Variants in TNRC6B observed in about 807,000 individuals in gnomAD.
TNRC6B encodes the protein trinucleotide repeat containing adaptor 6B.
A neutral mutation model predicts 203.6 loss-of-function variants in TNRC6B; 52 were observed. The ratio of observed to expected loss-of-function variants is 0.26; its 90% confidence interval spans 0.20 to 0.32. TNRC6B has a LOEUF of 0.32. TNRC6B is among the 10% of genes least tolerant of loss of function. The pLI is 1.00. For synonymous variants in TNRC6B, 838 were observed against 845.7 expected (o/e 0.99, Z 0.16); for missense variants, 1,923 against 2,286.2 (o/e 0.84, Z 3.24).
rs1490002466 is a variant in TNRC6B at position 40,332,354 on chromosome 22, T to TG, written c.*9114dup. On this transcript the variant is annotated 3_prime_UTR_variant, in exon 23 of 23. Transcript: ENST00000454349. ...CATTTGGCAGGCTGTATGAAGCCAATGAGCTGCGAGGTGTTTTGACAGGGG... is the reference window on the plus strand; with the variant it reads ...CATTTGGCAGGCTGTATGAAGCCAATGGAGCTGCGAGGTGTTTTGACAGGGG... 2.0e-5 allele frequency: 3 copies of TG among 152,642 alleles called. No homozygotes were observed. The highest frequency in any genetic ancestry group is 7.2e-5 in the African/African-American group (3 of 41,460). 9.5% of individuals were successfully genotyped at this position (152,642 alleles called of 1,614,324 possible).
intron 2 of TNRC6B, among the ~76,000 whole-genome samples, chr22:40,118,639 A>G (rs1179018501): frequency 6.6e-6 from 1 of 152,242 alleles, no homozygotes; most frequent in Non-Finnish European, 1.5e-5. Flanking sequence ...TATTGAATAC[A>G]TATTAAATGC....
chr22:40,265,658 T>C lies in TNRC6B; in HGVS notation c.1428T>C (p.Asn476=), dbSNP rs749860211. 4.3e-6 allele frequency: 7 copies of C among 1,613,744 alleles called. No homozygotes were observed. The East Asian group carries it at 8.9e-5, about 21-fold the overall frequency. Residue 476 remains asparagine (N), a synonymous_variant, in exon 5 of 23, where the codon AAT becomes AAC. Transcript: ENST00000454349. ...CAAAAAATGACTCTTGGGACAACAA[T>C]AACAGGTCTACGGGTGGGTCCTGGA... ...TGSKNDSWDN[N]NRSTGGSWNF... is the part of the protein sequence containing the mutation.
chr22:40,152,837 ACACC>A (rs2068771310), intron 3 of TNRC6B, among the ~76,000 whole-genome samples: 1 of 151,972 alleles, frequency 6.6e-6, no homozygotes, highest in African/African-American at 2.4e-5. Context: ...GTGGTGGCTC[ACACC>A]TATAATCCCA....
intron 1 of TNRC6B, among the ~76,000 whole-genome samples, chr22:40,101,548 C>CT (rs1172689811): frequency 5.9e-5 from 9 of 151,798 alleles, no homozygotes; most frequent in South Asian, 2.1e-4. Context: ...TCTAGTTGGG[C>CT]TTTTTTTTCT....
intron 3 of TNRC6B, among the ~76,000 whole-genome samples, chr22:40,259,095 C>T (rs771988391): frequency 2.6e-5 from 4 of 152,082 alleles, no homozygotes; most frequent in African/African-American, 4.8e-5. Flanking sequence ...AAGGGGATTG[C>T]GAATGCCCTG....
At position 40,155,425 on chromosome 22, in the gene TNRC6B, A is replaced by G. The variant is rs568552028; in HGVS notation, c.46-690A>G. Among the ~76,000 whole-genome samples the G allele has an allele frequency of 3.9e-5, 6 of 152,258 alleles. No individual in the cohort carries two copies. In the South Asian group the frequency reaches 1.2e-3, roughly 32 times the overall value. On this transcript the variant is annotated intron_variant, in intron 3 of 23. Coordinates refer to the TNRC6B transcript ENST00000301923. ...TGTCTCAGCCTCCTGAGTAGCTGGG[A>G]CTAAAGGCGCACACCACCACATCCA...
rs8136367 is a variant in TNRC6B, at chr22:40,182,494, A to G, written c.5+4354A>G. On this transcript the variant is annotated intron_variant, in intron 1 of 22. Transcript: ENST00000454349. ...TGGAGTGAATTGAAGCCACTTGGCC[A>G]GAAAAGGGATTTATTTAACTCATGG... is the stretch of plus-strand genomic sequence containing the variant. Among the ~76,000 whole-genome samples the G allele has an allele frequency of 4.6e-3, 697 of 152,334 alleles. 7 individuals are homozygous for G. The highest frequency in any genetic ancestry group is 0.015 in the African/African-American group (637 of 41,578).
intron 3 of TNRC6B, among the ~76,000 whole-genome samples, chr22:40,149,716 C>T (rs2068731045): frequency 6.8e-6 from 1 of 146,810 alleles, no homozygotes; most frequent in Non-Finnish European, 1.5e-5. Context: ...TAAAGAGGGG[C>T]ATGATGAAAC....
chr22:40,227,834 A>T (rs2069812751), intron 1 of TNRC6B, among the ~76,000 whole-genome samples: 1 of 152,260 alleles, frequency 6.6e-6, no homozygotes. Flanking sequence ...CTGAATGTTT[A>T]GAAGAGCTGT....
chr22:40,317,516 T>C (rs1213409269), intron 21 of TNRC6B, among the ~76,000 whole-genome samples: 1 of 152,206 alleles, frequency 6.6e-6, no homozygotes, highest in African/African-American at 2.4e-5. Context: ...AGGCAGAGGT[T>C]GCAGTGAGCT....
intron 9 of TNRC6B, among the ~76,000 whole-genome samples, 173 bp from the exon 10 acceptor site, chr22:40,279,822 G>A (rs2070700128): frequency 6.6e-6 from 1 of 152,042 alleles, no homozygotes; most frequent in South Asian, 2.1e-4. Flanking sequence ...GTGTTCCAGG[G>A]ACAAACACCA....
In TNRC6B at chr22:40,331,671, C is replaced by CAA. The variant is rs776164567; in HGVS notation, c.*8439_*8440dup. On this transcript the variant is annotated 3_prime_UTR_variant, in exon 23 of 23. Transcript: ENST00000454349. ...TTTTTTTTTTTTTTTTTTTTTTTTT[C>CAA]AAAAAAAAAAGTCCCACATGTGGTC... 53 of 111,634 alleles carry CAA rather than the reference C, an allele frequency of 4.7e-4. No homozygotes were observed. Among genetic ancestry groups the CAA allele is most frequent in the Non-Finnish European group, 5.9e-4 (38 of 64,304 alleles). The allele number at this position is 111,634 out of a possible 1,614,324, so 6.9% of individuals were successfully genotyped here. A position where few individuals can be genotyped will look rare whatever the true frequency, so the allele number is the denominator to read the frequency against.
chr22:40,214,208 A>C (rs575657750), intron 1 of TNRC6B, among the ~76,000 whole-genome samples: 1 of 152,264 alleles, frequency 6.6e-6, no homozygotes, highest in Admixed American at 6.5e-5. Context: ...CAGAGGTTGC[A>C]GTGAGCAGAG....
At chr22:40,154,212 C>A (rs2068789107) in intron 3 of TNRC6B, among the ~76,000 whole-genome samples, 1 of 152,002 alleles carries the variant, frequency 6.6e-6, no homozygotes, top group Admixed American at 6.6e-5. Flanking sequence ...TGCTGTAATC[C>A]CAGCACTTTG....
rs546239111 is a variant in TNRC6B at position 40,298,041 on chromosome 22, C to T, written c.3709-2414C>T. 4.0e-5 allele frequency among the ~76,000 whole-genome samples: 6 copies of T among 151,774 alleles called. No individual in the cohort carries two copies. The East Asian group carries it at 5.8e-4, about 15-fold the overall frequency. On this transcript the variant is annotated intron_variant, in intron 12 of 22. Transcript: ENST00000454349. ...TCGGGAGGCTAAGGCAGGAGAATGG[C>T]GTGAACCCAGGAGGTGGAGCTTGCA...
At chr22:40,256,953 T>C (rs2070288652) in intron 3 of TNRC6B, among the ~76,000 whole-genome samples, 1 of 152,100 alleles carries the variant, frequency 6.6e-6, no homozygotes, top group East Asian at 1.9e-4. Context: ...TCCAGGGAGA[T>C]GTTCAAGGCA....
chr22:40,206,628 A>G (rs893472323), intron 1 of TNRC6B, among the ~76,000 whole-genome samples: 1 of 152,168 alleles, frequency 6.6e-6, no homozygotes, highest in Admixed American at 6.5e-5. Flanking sequence ...CAGGAACAAC[A>G]AGTGGGAGGA....
At position 40,330,203 on chromosome 22, in the gene TNRC6B, A is replaced by T. The variant is rs1384794540; in HGVS notation, c.*6962A>T. The T allele has an allele frequency of 1.3e-5, 2 of 152,176 alleles. No individual in the cohort carries two copies. Among genetic ancestry groups the T allele is most frequent in the Non-Finnish European group, 2.9e-5 (2 of 68,020 alleles). The allele number at this position is 152,176 out of a possible 1,614,324, so 9.4% of individuals were successfully genotyped here. On this transcript the variant is annotated 3_prime_UTR_variant, in exon 23 of 23. Coordinates refer to ENST00000454349, the MANE Select transcript of TNRC6B (RefSeq NM_001162501.2). ...GTTTTTGTTTTTTTCTTTTTTTTCA[A>T]AAAGGGAAATTCCTCTTTACTGCTC...
intron 3 of TNRC6B, among the ~76,000 whole-genome samples, chr22:40,150,976 CT>C (rs1173319228): frequency 4.6e-5 from 7 of 152,110 alleles, no homozygotes; most frequent in African/African-American, 1.7e-4. Flanking sequence ...AAATCAAGCT[CT>C]TTAGGGTCTC....
Sources: gnomAD v4.1 joint callset for allele counts (sites outside exome capture counted in the v4.1 genomes callset) on GRCh38, gnomAD v4.1.1 for gene constraint, MANE v1.5 for transcripts, NCBI Gene and HGNC (gene_info 2026-07-23, HGNC 2026-07-21) for gene names.